Variants in CLCNKB observed in about 807,000 individuals in gnomAD.
The protein encoded by CLCNKB is chloride voltage-gated channel Kb, also known as chloride channel protein ClC-Kb.
CLCNKB carries 74 observed loss-of-function variants against 83.8 expected under a neutral mutation model. The observed-to-expected ratio is 0.88, with a 90% CI of 0.73 to 1.07. The LOEUF (loss-of-function observed/expected upper bound fraction) is 1.07, where lower values mean the gene tolerates loss of function less well. Among genes scored for constraint, CLCNKB ranks in the 50% least tolerant of loss-of-function variants. The pLI is 0.00. For missense variants in CLCNKB, 798 were observed against 893.6 expected (o/e 0.89, Z 1.36); for synonymous variants, 358 against 356.6 (o/e 1.00, Z -0.04).
chr1:16,049,963 T>C lies in CLCNKB; in HGVS notation c.968+47T>C, dbSNP rs7368166. On this transcript the variant is annotated intron_variant, in intron 10 of 19. Transcript: ENST00000375679. ...GGGGACCTCTCAGCGAGCTCCCCCC[T>C]CACCGTACTCCCAACCTTATGTAGA... The C allele has an allele frequency of 0.92, 1,374,501 of 1,497,870 alleles. 635,977 individuals are homozygous for C. Among genetic ancestry groups the C allele is most frequent in the East Asian group, 1 (44,021 of 44,170 alleles). 92.8% of individuals were successfully genotyped at this position (1,497,870 alleles called of 1,614,324 possible).
At chr1:16,050,454 T>G in intron 10 of CLCNKB, 62 bp from the exon 11 acceptor site, 1 of 1,562,178 alleles carries the variant, frequency 6.4e-7, no homozygotes, top group Admixed American at 1.7e-5. Context: ...TAGGCCCTGC[T>G]TCCCTCTCCT....
chr1:16,054,948 C>T (rs1194400072), intron 16 of CLCNKB, among the ~76,000 whole-genome samples: 2 of 152,158 alleles, frequency 1.3e-5, no homozygotes, highest in Admixed American at 6.5e-5. Flanking sequence ...ACTAAATATC[C>T]GACAATGCCA....
At chr1:16,055,333 A>G (rs2023405025) in intron 16 of CLCNKB, 102 bp from the exon 17 acceptor site, 5 of 943,734 alleles carry the variant, frequency 5.3e-6, no homozygotes, top group Non-Finnish European at 6.8e-6. Flanking sequence ...CAATAGCCCC[A>G]TAGGAACACC....
rs1335977751 is a variant in CLCNKB at position 16,053,578 on chromosome 1, C to T, written c.1623-61C>T. 16 of 1,612,560 alleles carry T rather than the reference C, an allele frequency of 9.9e-6. No individual in the cohort carries two copies. The South Asian group carries it at 1.2e-4, about 12-fold the overall frequency. On this transcript the variant is annotated intron_variant, in intron 15 of 19. Coordinates refer to ENST00000375679, the MANE Select transcript of CLCNKB (RefSeq NM_000085.5). Reference sequence around the variant, plus strand: ...CAAGCAAAGCTCCCCACAGATCCCCCTGCCAGCCTGGGTCTCACATCCCTG... The same window carrying T: ...CAAGCAAAGCTCCCCACAGATCCCCTTGCCAGCCTGGGTCTCACATCCCTG...
chr1:16,045,791 T>G, intron 3 of CLCNKB, 105 bp downstream of exon 3: 15 of 567,732 alleles, frequency 2.6e-5, no homozygotes, highest in Non-Finnish European at 3.9e-5. Context: ...GGGGGGGTGC[T>G]CTGGGTGGGG....
chr1:16,049,154 C>T lies in CLCNKB; in HGVS notation c.690C>T (p.His230=), dbSNP rs1261748434. The T allele has an allele frequency of 2.5e-6, 4 of 1,613,408 alleles. No individual in the cohort carries two copies. The highest frequency in any genetic ancestry group is 2.5e-6 in the Non-Finnish European group (3 of 1,180,016). Residue 230 remains histidine (H), a synonymous_variant, in exon 8 of 20, where the codon CAC becomes CAT. Coordinates refer to ENST00000375679, the MANE Select transcript of CLCNKB (RefSeq NM_000085.5). ...VLFSIEVMSS[H]FSVWDYWRGF... ...TCAGCATCGAGGTCATGTCTTCCCA[C>T]TTCTCTGTCTGGGATTACTGGAGGG...
In CLCNKB at chr1:16,056,447, A is replaced by G. The variant is rs766098965; in HGVS notation, c.1955A>G (p.Asn652Ser). The change falls in exon 19 of 20, where the codon AAC becomes AGC. Residue 652 changes from asparagine to serine, a missense_variant. Asn to Ser is a conservative substitution (Grantham distance 46, BLOSUM62 1). Transcript: ENST00000375679. ...HEAHNLFELL[N>S]LHSLFVTSRG... ...GCACACAACCTCTTTGAGCTGTTGA[A>G]CCTTCATTCCCTCTTTGTGACGTCG... 2.5e-6 allele frequency: 4 copies of G among 1,614,034 alleles called. No homozygotes were observed. Among genetic ancestry groups the G allele is most frequent in the Middle Eastern group, 1.6e-4 (1 of 6,062 alleles).
intron 16 of CLCNKB, among the ~76,000 whole-genome samples, chr1:16,055,194 C>T (rs898319122): frequency 8.5e-5 from 13 of 152,114 alleles, no homozygotes; most frequent in African/African-American, 2.7e-4. Context: ...CAGGGTCCCT[C>T]CTGGCTCCCT....
chr1:16,056,384 C>T, intron 18 of CLCNKB, 38 bp from the exon 19 acceptor site: 1 of 1,606,326 alleles, frequency 6.2e-7, no homozygotes, highest in Non-Finnish European at 8.5e-7. Context: ...GGCTGGGCAC[C>T]TTCTACCCTC....
intron 7 of CLCNKB, 114 bp from the exon 8 acceptor site, chr1:16,049,006 G>A: frequency 1.2e-6 from 2 of 1,601,114 alleles, no homozygotes; most frequent in South Asian, 2.2e-5. Flanking sequence ...GTCCCTGTCC[G>A]GGCTGCAGGA....
At chr1:16,053,853 T>C in intron 16 of CLCNKB, 81 bp downstream of exon 16, 1 of 1,566,098 alleles carries the variant, frequency 6.4e-7, no homozygotes, top group East Asian at 2.3e-5. Context: ...GCAGACAGGA[T>C]CTGCATCCAG....
At position 16,051,713 on chromosome 1, in the gene CLCNKB, C is replaced by T; in HGVS notation, c.1301C>T (p.Ala434Val). ...CTCACCCTAAGTCTGTGGCCAGGAG[C>T]TGCTATCGGGCGCCTCTTTGGGGAG... ...GYFMPIFVYG[A>V]AIGRLFGETL... Residue 434 changes from alanine to valine, a missense_variant, in exon 14 of 20, where the codon GCT (alanine) becomes GTT (valine). By Grantham distance (64) the Ala-to-Val change is moderately conservative (BLOSUM62 0). Coordinates refer to ENST00000375679, the MANE Select transcript of CLCNKB (RefSeq NM_000085.5). 2 of 1,613,738 alleles carry T rather than the reference C, an allele frequency of 1.2e-6. No individual in the cohort carries two copies. Among genetic ancestry groups the T allele is most frequent in the Non-Finnish European group, 1.7e-6 (2 of 1,179,724 alleles).
At chr1:16,044,367 A>ACACACACACACACACC in intron 1 of CLCNKB, 119 bp from the exon 2 acceptor site, 2 of 762,584 alleles carry the variant, frequency 2.6e-6, no homozygotes, top group Non-Finnish European at 4.5e-6. Flanking sequence ...ACACACACAC[A>ACACACACACACACACC]CACACACACA....
chr1:16,046,186 C>A (rs1192493575), intron 3 of CLCNKB, among the ~76,000 whole-genome samples: 1 of 152,246 alleles, frequency 6.6e-6, no homozygotes, highest in African/African-American at 2.4e-5. Context: ...GTGTTTGGTG[C>A]TTCACACCTG....
intron 15 of CLCNKB, among the ~76,000 whole-genome samples, chr1:16,052,916 C>T (rs916011847): frequency 6.6e-6 from 1 of 152,190 alleles, no homozygotes; most frequent in Non-Finnish European, 1.5e-5. Context: ...TCTGAGGCCC[C>T]GCTGAAAACA....
At chr1:16,048,727 G>A (rs1428305851) in intron 7 of CLCNKB, 145 bp downstream of exon 7, 1 of 1,474,892 alleles carries the variant, frequency 6.8e-7, no homozygotes, top group Non-Finnish European at 9.0e-7. Flanking sequence ...CACAGCCACC[G>A]CCCCCCACCG....
chr1:16,051,105 G>T (rs1213785353), intron 12 of CLCNKB, 57 bp downstream of exon 12: 2 of 1,611,796 alleles, frequency 1.2e-6, no homozygotes, highest in Non-Finnish European at 1.7e-6. Context: ...GGTGGTGGTG[G>T]GGGGTACCTC....
At position 16,056,559 on chromosome 1, in the gene CLCNKB, A is replaced by T. The variant is rs559714691; in HGVS notation, c.2016+51A>T. 3.7e-5 allele frequency: 26 copies of T among 698,098 alleles called. No individual in the cohort carries two copies. The East Asian group carries it at 1.1e-3, about 30-fold the overall frequency. The allele number at this position is 698,098 out of a possible 1,614,324, so 43.2% of individuals were successfully genotyped here. A position where few individuals can be genotyped will look rare whatever the true frequency, so the allele number is the denominator to read the frequency against. ...AAGCAGGGAACCTATGCCTGAGAAG[A>T]CTGGGGAGGTGGGGAGGTGGGGTGG... On this transcript the variant is annotated intron_variant, in intron 19 of 19. Coordinates refer to ENST00000375679, the MANE Select transcript of CLCNKB (RefSeq NM_000085.5).
At position 16,051,575 on chromosome 1, in the gene CLCNKB, A is replaced by G. The variant is rs190501859; in HGVS notation, c.1297+28A>G. On this transcript the variant is annotated intron_variant, in intron 13 of 19. Coordinates refer to ENST00000375679, the MANE Select transcript of CLCNKB (RefSeq NM_000085.5). ...GAGTCTGGGGTCCTGAGGTTCTGAG[A>G]GTTTCGGGGTTCTTGGGGCAGGACC... The G allele has an allele frequency of 1.3e-5, 21 of 1,613,044 alleles. No homozygotes were observed. In the African/African-American group the frequency reaches 1.9e-4, roughly 14 times the overall value.
Sources: allele counts gnomAD v4.1 joint callset (sites outside exome capture counted in the v4.1 genomes callset), GRCh38; gene constraint gnomAD v4.1.1; transcripts MANE v1.5; gene names NCBI Gene and HGNC (gene_info 2026-07-23, HGNC 2026-07-21).